KCNN3: variants seen among roughly 807,000 people sequenced by gnomAD.
The protein encoded by KCNN3 is small conductance calcium-activated potassium channel protein 3.
A neutral mutation model predicts 62.9 loss-of-function variants in KCNN3; 16 were observed. The observed-to-expected ratio is 0.25, with a 90% CI of 0.17 to 0.39. The LOEUF (loss-of-function observed/expected upper bound fraction) is 0.39, where lower values mean the gene tolerates loss of function less well. Among genes scored for constraint, KCNN3 ranks in the 10% least tolerant of loss-of-function variants. The probability of loss-of-function intolerance (pLI) is 1.00; values close to 1 mark genes in which losing one functional copy is unlikely to be tolerated. For missense variants in KCNN3, 599 were observed against 949.4 expected, an observed-to-expected ratio of 0.63 and a Z score of 4.85; for synonymous variants, 370 against 389.2, an observed-to-expected ratio of 0.95 and a Z score of 0.58.
At chr1:154,725,198 G>A (rs1318917636) in intron 5 of KCNN3, among the ~76,000 whole-genome samples, 1 of 152,070 alleles carries the variant, frequency 6.6e-6, no homozygotes, top group Non-Finnish European at 1.5e-5. Flanking sequence ...TTAGACTTAG[G>A]TACATTTTCA....
chr1:154,788,567 C>T (rs1361528760), intron 2 of KCNN3, among the ~76,000 whole-genome samples: 2 of 152,102 alleles, frequency 1.3e-5, no homozygotes, highest in Non-Finnish European at 2.9e-5. Flanking sequence ...TTCATTCCTT[C>T]AAGCATCCAT....
At chr1:154,766,416 T>TTTTTTATATATATATATATATATATA (rs1553231996) in intron 3 of KCNN3, among the ~76,000 whole-genome samples, 2 of 71,804 alleles carry the variant, frequency 2.8e-5, no homozygotes, top group Non-Finnish European at 5.6e-5. Flanking sequence ...TAGCCAGGCT[T>TTTTTTATATATATATATATATATATA]TATATATATA....
Position 154,705,078 on chromosome 1 carries a change from C to T in KCNN3, c.*2898G>A, listed in dbSNP as rs918517514. 6.6e-6 allele frequency: 1 copy of T among 152,232 alleles called. No individual in the cohort carries two copies. The highest frequency in any genetic ancestry group is 1.9e-4 in the East Asian group (1 of 5,182). The allele number at this position is 152,232 out of a possible 1,614,324, so 9.4% of individuals were successfully genotyped here. A position where few individuals can be genotyped will look rare whatever the true frequency, so the allele number is the denominator to read the frequency against. ...GAGCCACCGCACCTGGCTATATATA[C>T]CAGATTCTTGAGCAGATAATTAAAC... is the stretch of plus-strand genomic sequence containing the variant. On this transcript the variant is annotated 3_prime_UTR_variant, in exon 8 of 8. Coordinates refer to ENST00000271915, the MANE Select transcript of KCNN3 (RefSeq NM_002249.6).
intron 3 of KCNN3, among the ~76,000 whole-genome samples, chr1:154,734,654 A>G (rs1183329488): frequency 6.6e-6 from 1 of 152,174 alleles, no homozygotes; most frequent in Non-Finnish European, 1.5e-5. Context: ...AGGAGACAGG[A>G]GCTCAGCCAG....
intron 2 of KCNN3, among the ~76,000 whole-genome samples, chr1:154,820,642 C>T (rs915803269): frequency 1.3e-5 from 2 of 152,210 alleles, no homozygotes; most frequent in Non-Finnish European, 2.9e-5. Flanking sequence ...GTACTCCTGG[C>T]TCCTTTCTGG....
chr1:154,827,848 G>C (rs1478820786), intron 1 of KCNN3, among the ~76,000 whole-genome samples: 1 of 152,052 alleles, frequency 6.6e-6, no homozygotes, highest in East Asian at 1.9e-4. Context: ...AATTGCAGCT[G>C]TTGGCCCTCC....
At chr1:154,821,134 G>A (rs1446615709) in intron 2 of KCNN3, among the ~76,000 whole-genome samples, 1 of 152,192 alleles carries the variant, frequency 6.6e-6, no homozygotes. Flanking sequence ...GAAGGTCACA[G>A]GGCTGGCCAA....
chr1:154,811,764 A>T (rs751607907), intron 2 of KCNN3, among the ~76,000 whole-genome samples: 1 of 152,224 alleles, frequency 6.6e-6, no homozygotes, highest in Non-Finnish European at 1.5e-5. Context: ...CTCAACAGGA[A>T]ACTAGAATTA....
Position 154,713,530 on chromosome 1 carries a change from C to T in KCNN3, c.1833G>A (p.Leu611=), listed in dbSNP as rs41270947. ...QRKFLQAIHQ[L]RSVKMEQRKL... is the part of the protein sequence containing the mutation. Reference sequence around the variant, plus strand: ...TCCTCTGTTCCATCTTGACGCTCCTCAACCTGTGGGGAAGAATGGTAACAG... The same window carrying T: ...TCCTCTGTTCCATCTTGACGCTCCTTAACCTGTGGGGAAGAATGGTAACAG... The change falls in exon 7 of 8, where the codon TTG becomes TTA. Residue 611 remains leucine (L), a synonymous_variant. Coordinates refer to ENST00000271915, the MANE Select transcript of KCNN3 (RefSeq NM_002249.6). The T allele has an allele frequency of 9.0e-5, 146 of 1,613,630 alleles. No individual in the cohort carries two copies. Among genetic ancestry groups the T allele is most frequent in the Non-Finnish European group, 1.2e-4 (140 of 1,179,676 alleles).
At position 154,859,758 on chromosome 1, in the gene KCNN3, G is replaced by A. The variant is rs79605921; in HGVS notation, c.933+9274C>T. 1,327 of 1,614,124 alleles carry A rather than the reference G, an allele frequency of 8.2e-4. 6 individuals carry two copies. The African/African-American group carries it at 0.014, about 17-fold the overall frequency. The stretch of plus-strand genomic sequence containing the variant: ...CCAAACAACTGTCCTTGCAGATGTC[G>A]CGTGGCAGGCCTGGTATCAGCAAGC... On this transcript the variant is annotated intron_variant, in intron 1 of 7. Coordinates refer to ENST00000271915, the MANE Select transcript of KCNN3 (RefSeq NM_002249.6).
At chr1:154,737,730 C>A (rs1196251215) in intron 3 of KCNN3, among the ~76,000 whole-genome samples, 1 of 151,868 alleles carries the variant, frequency 6.6e-6, no homozygotes, top group African/African-American at 2.4e-5. Flanking sequence ...GGAATTCTCC[C>A]AAAAAGCAGA....
chr1:154,816,557 C>T (rs546467160), intron 2 of KCNN3, among the ~76,000 whole-genome samples: 1 of 152,274 alleles, frequency 6.6e-6, no homozygotes, highest in Admixed American at 6.5e-5. Context: ...TGCTCCACGC[C>T]TCCGGATGTG....
chr1:154,809,891 C>T lies in KCNN3; in HGVS notation c.1029+12198G>A, dbSNP rs1650327982. Among the ~76,000 whole-genome samples, 1 of 152,200 alleles carries T rather than the reference C, an allele frequency of 6.6e-6. No homozygotes were observed. Among genetic ancestry groups the T allele is most frequent in the Non-Finnish European group, 1.5e-5 (1 of 68,044 alleles). The stretch of plus-strand genomic sequence containing the variant: ...AGGCTACCATGAAAGCTAAAAGTCA[C>T]TGGCTGTCTTTGGCTGCAGTAACAA... On this transcript the variant is annotated intron_variant, in intron 2 of 7. Transcript: ENST00000271915. This position sits in a 1 kb window ranked among gnomAD's most constrained non-coding sequence, Gnocchi z 4.3.
chr1:154,714,886 C>T lies in KCNN3; in HGVS notation c.1819G>A (p.Ala607Thr). Residue 607 changes from alanine (A) to threonine (T), a missense_variant, in exon 6 of 8, where the codon GCT becomes ACT. By Grantham distance (58) the Ala-to-Thr change is moderately conservative. Around this residue, in one of 7 missense-constraint regions of KCNN3, gnomAD observed 288 missense variants for 557.4 expected, o/e 0.52. Transcript: ENST00000271915. ...CTCTGGCATACTCACTGGTGGATAG[C>T]TTGGAGGAACTTCCTCTGGTGTTTC... ...VRKHQRKFLQ[A>T]IHQLRSVKME... 6.2e-7 allele frequency: 1 copy of T among 1,613,560 alleles called. No individual in the cohort carries two copies.
intron 2 of KCNN3, among the ~76,000 whole-genome samples, chr1:154,785,527 T>C (rs1649240249): frequency 6.6e-6 from 1 of 151,998 alleles, no homozygotes; most frequent in Non-Finnish European, 1.5e-5. Context: ...ACAAGCCATT[T>C]GGTGAGTCCA....
chr1:154,766,419 TATATATA>T (rs1648283014), intron 3 of KCNN3, among the ~76,000 whole-genome samples: 1 of 85,424 alleles, frequency 1.2e-5, no homozygotes, highest in Non-Finnish European at 2.9e-5. Context: ...CCAGGCTTTA[TATATATA>T]TATATATATA....
In KCNN3 at chr1:154,708,128, G is replaced by A. The variant is rs1209698715; in HGVS notation, c.2044C>T (p.Arg682Cys). The change falls in exon 8 of 8, where the codon CGC becomes TGC. Residue 682 changes from arginine (R) to cysteine (C), a missense_variant. Transcript: ENST00000271915. ...GACAGGAGCTGCTGCTGCTGCTGGC[G>A]CAGGGTGTCGGCGATGAGCAGCGGC... ...SLPLLIADTL[R>C]QQQQQLLSAI... The A allele has an allele frequency of 1.2e-6, 2 of 1,613,698 alleles. No individual in the cohort carries two copies. The highest frequency in any genetic ancestry group is 1.3e-5 in the African/African-American group (1 of 74,920).
Position 154,863,847 on chromosome 1 carries a change from G to A in KCNN3, c.933+5185C>T, listed in dbSNP as rs569983780. ...CTGTGGGGAAGGGAAGTCCGGATGT[G>A]TGATGAAGTCTTTCCCCAGGACAGT... On this transcript the variant is annotated intron_variant, in intron 1 of 7. Coordinates refer to ENST00000271915, the MANE Select transcript of KCNN3 (RefSeq NM_002249.6). 5.3e-5 allele frequency among the ~76,000 whole-genome samples: 8 copies of A among 152,336 alleles called. No homozygotes were observed. In the South Asian group the frequency reaches 6.2e-4, roughly 12 times the overall value.
chr1:154,833,107 G>T (rs565545968), intron 1 of KCNN3, among the ~76,000 whole-genome samples: 40 of 152,064 alleles, frequency 2.6e-4, no homozygotes, highest in Non-Finnish European at 3.4e-4. Flanking sequence ...CCTTGCCTCT[G>T]TCTGCACCAG....
Sources: gnomAD v4.1 joint callset for allele counts (sites outside exome capture counted in the v4.1 genomes callset) on GRCh38, gnomAD v4.1.1 for gene constraint, gnomAD v4.1.1 regional missense constraint, Gnocchi (gnomAD v3.1) non-coding constraint, MANE v1.5 for transcripts, NCBI Gene and HGNC (gene_info 2026-07-23, HGNC 2026-07-21) for gene names.